Variants in RUFY3 observed in about 807,000 individuals in gnomAD.
The protein encoded by RUFY3 is RUN and FYVE domain containing 3.
Under a neutral mutation model 84.0 loss-of-function variants are expected in RUFY3, and 34 were observed. The ratio of observed to expected loss-of-function variants is 0.40; its 90% CI spans 0.31 to 0.54. RUFY3 has a LOEUF of 0.54. RUFY3 is among the 20% of genes least tolerant of loss of function. The pLI, the probability that RUFY3 is intolerant of heterozygous loss-of-function variation, is 0.39. For synonymous variants in RUFY3, 242 were observed against 252.9 expected (o/e 0.96, Z 0.41); for missense variants, 507 against 736.8 (o/e 0.69, Z 3.61).
At position 70,722,618 on chromosome 4, in the gene RUFY3, T is replaced by G; in HGVS notation, c.45T>G (p.Thr15=). The G allele has an allele frequency of 6.2e-7, 1 of 1,613,936 alleles. No homozygotes were observed. Among genetic ancestry groups the G allele is most frequent in the Non-Finnish European group, 8.5e-7 (1 of 1,179,970 alleles). Residue 15 remains threonine, a synonymous_variant, in exon 1 of 18, where the codon ACT becomes ACG. Coordinates refer to ENST00000381006, the MANE Select transcript of RUFY3 (RefSeq NM_001037442.4). ...CGACCGATATGCCAACCCCCACCACTGACAAGATCACACAGGCTGCCATGG... is the reference window on the plus strand; with the variant it reads ...CGACCGATATGCCAACCCCCACCACGGACAAGATCACACAGGCTGCCATGG... The part of the protein sequence containing the change: ...TPPTDMPTPT[T]DKITQAAMET...
At chr4:70,704,001 A>C (rs1739975915), upstream of RUFY3, 1 of 152,242 alleles carries the variant, frequency 6.6e-6, no homozygotes, top group South Asian at 2.1e-4. Flanking sequence ...AGAAATGTTT[A>C]CTTAAGGGAA....
At chr4:70,781,783 C>T (rs1728964680) in intron 8 of RUFY3, among the ~76,000 whole-genome samples, 1 of 152,200 alleles carries the variant, frequency 6.6e-6, no homozygotes, top group Admixed American at 6.5e-5. Context: ...CCTGCACCCA[C>T]TGCTAATGAG....
intron 13 of RUFY3, 164 bp from the exon 14 acceptor site, chr4:70,794,631 A>C (rs771703535): frequency 8.0e-6 from 5 of 623,510 alleles, no homozygotes; most frequent in Non-Finnish European, 1.4e-5. Flanking sequence ...CACACAGTTA[A>C]GCTTAGAAGT....
chr4:70,735,949 C>G (rs921864580), intron 1 of RUFY3, among the ~76,000 whole-genome samples: 5 of 151,554 alleles, frequency 3.3e-5, no homozygotes, highest in African/African-American at 9.7e-5. Context: ...GATCACATCA[C>G]TGCACTCCAG....
chr4:70,763,553 TA>T lies in RUFY3; in HGVS notation c.361del (p.Thr121LeufsTer13). On this transcript the variant is annotated frameshift_variant and splice_region_variant, in exon 3 of 18. Transcript: ENST00000381006. LOFTEE classifies it high-confidence loss of function. ...EHCLKHGLKA[K>X]KTFLGQNKSF... ...ACTGCTTTATTTTTGTTGCCTTAGCTAAAAAAACTTTTCTCGGACAAAATAA... is the reference window on the plus strand; with the variant it reads ...ACTGCTTTATTTTTGTTGCCTTAGCTAAAAAACTTTTCTCGGACAAAATAA... 1 of 1,604,376 alleles carries T rather than the reference TA, an allele frequency of 6.2e-7. No individual in the cohort carries two copies. The highest frequency in any genetic ancestry group is 1.7e-5 in the Admixed American group (1 of 57,288).
intron 2 of RUFY3, among the ~76,000 whole-genome samples, chr4:70,763,189 T>A (rs1356402408): frequency 6.6e-6 from 1 of 152,206 alleles, no homozygotes; most frequent in Non-Finnish European, 1.5e-5. Flanking sequence ...TAAATCTGTA[T>A]GCCTATGCTT....
At chr4:70,732,956 A>C (rs1416007231) in intron 1 of RUFY3, among the ~76,000 whole-genome samples, 4 of 151,794 alleles carry the variant, frequency 2.6e-5, no homozygotes, top group Non-Finnish European at 5.9e-5. Flanking sequence ...AATCCCAGCT[A>C]TGTGGGAGGC....
chr4:70,781,443 C>T (rs941154404), intron 8 of RUFY3, among the ~76,000 whole-genome samples: 1 of 152,178 alleles, frequency 6.6e-6, no homozygotes, highest in African/African-American at 2.4e-5. Context: ...TGTGCCACCA[C>T]ACTCCAACCT....
intron 4 of RUFY3, among the ~76,000 whole-genome samples, chr4:70,768,198 C>A (rs971256889): frequency 6.6e-6 from 1 of 152,168 alleles, no homozygotes; most frequent in Non-Finnish European, 1.5e-5. Context: ...ATCACAAGTA[C>A]AAATATGTCA....
intron 1 of RUFY3, among the ~76,000 whole-genome samples, chr4:70,709,873 A>C (rs1260169962): frequency 1.3e-5 from 2 of 152,192 alleles, no homozygotes; most frequent in African/African-American, 4.8e-5. Context: ...GGCAGTGTCC[A>C]AAAAAGTGTC....
intron 1 of RUFY3, among the ~76,000 whole-genome samples, chr4:70,730,841 A>G (rs889748375): frequency 3.9e-5 from 6 of 152,212 alleles, no homozygotes; most frequent in African/African-American, 1.4e-4. Flanking sequence ...ACCCATACAC[A>G]ACACTCCTGT....
intron 5 of RUFY3, among the ~76,000 whole-genome samples, chr4:70,772,648 T>A (rs1405414789): frequency 6.6e-6 from 1 of 152,082 alleles, no homozygotes; most frequent in African/African-American, 2.4e-5. Flanking sequence ...GTGTGGATTT[T>A]TTTTTTATTT....
intron 1 of RUFY3, among the ~76,000 whole-genome samples, chr4:70,716,659 G>T (rs150351977): frequency 0.013 from 2,010 of 151,774 alleles, 23 homozygotes; most frequent in Non-Finnish European, 0.021. Context: ...GCCTGGCCAA[G>T]ATGGTGAAAC....
chr4:70,706,587 A>T (rs1740363124), intron 1 of RUFY3, among the ~76,000 whole-genome samples: 2 of 152,208 alleles, frequency 1.3e-5, no homozygotes, highest in South Asian at 4.1e-4. Flanking sequence ...ATCTAACAAG[A>T]GATCCAAAAC....
intron 1 of RUFY3, among the ~76,000 whole-genome samples, chr4:70,737,036 A>G (rs994655561): frequency 1.3e-5 from 2 of 152,248 alleles, no homozygotes; most frequent in African/African-American, 4.8e-5. Flanking sequence ...ACTACTTTAA[A>G]CAATTAAAAC....
chr4:70,709,576 A>G (rs1740733144), intron 1 of RUFY3, among the ~76,000 whole-genome samples: 1 of 152,184 alleles, frequency 6.6e-6, no homozygotes, highest in Admixed American at 6.5e-5. Context: ...GTTTCTCAGC[A>G]ACTACAATTT....
chr4:70,791,329 A>C (rs746110740), intron 12 of RUFY3: 1 of 1,610,738 alleles, frequency 6.2e-7, no homozygotes, highest in East Asian at 2.2e-5. Flanking sequence ...CGCAAGTCCG[A>C]TATCACAACT....
chr4:70,740,686 C>G (rs1189874795), intron 1 of RUFY3, among the ~76,000 whole-genome samples: 1 of 152,110 alleles, frequency 6.6e-6, no homozygotes, highest in Non-Finnish European at 1.5e-5. Context: ...ATTATATTGT[C>G]AAAGGATTGA....
At chr4:70,772,913 G>A (rs1212819069) in intron 5 of RUFY3, among the ~76,000 whole-genome samples, 1 of 152,090 alleles carries the variant, frequency 6.6e-6, no homozygotes, top group Non-Finnish European at 1.5e-5. Flanking sequence ...CACCCGCTTC[G>A]GCCTCCCAAA....
Sources: allele counts gnomAD v4.1 joint callset (sites outside exome capture counted in the v4.1 genomes callset), GRCh38; gene constraint gnomAD v4.1.1; transcripts MANE v1.5; gene names NCBI Gene and HGNC (gene_info 2026-07-23, HGNC 2026-07-21).